The following KLHL13 variants were observed in gnomAD, a reference collection of about 807,000 sequenced individuals.
The protein encoded by KLHL13 is kelch like family member 13.
A neutral mutation model predicts 37.1 loss-of-function variants in KLHL13; 10 were observed. The ratio of observed to expected loss-of-function variants is 0.27; its 90% confidence interval spans 0.17 to 0.46. The LOEUF is 0.46. Ranked by LOEUF, KLHL13 falls within the 20% of genes least tolerant of loss-of-function variation. The probability of loss-of-function intolerance (pLI) is 1.00; values close to 1 mark genes in which losing one functional copy is unlikely to be tolerated. For synonymous variants in KLHL13, 163 were observed against 181.2 expected (o/e 0.90, Z 0.81); for missense variants, 360 against 509.3 (o/e 0.71, Z 2.82).
At chrX:117,945,604 G>T (rs1245404274) in intron 1 of KLHL13, 29 bp from the exon 3 acceptor site, 1 of 1,147,950 alleles carries the variant, frequency 8.7e-7, no homozygotes. Context: ...AAGAAAGAAG[G>T]GGAAATTAAA....
At chrX:118,091,044 C>T (rs1165888504) in intron 1 of KLHL13, among the ~76,000 whole-genome samples, 2 of 101,794 alleles carry the variant, frequency 2.0e-5, no homozygotes, top group Non-Finnish European at 2.0e-5. Context: ...AACCAAACAC[C>T]GCATGTTCTC....
upstream of KLHL13, among the ~76,000 whole-genome samples, chrX:117,976,647 A>G (rs1602618395): frequency 2.7e-5 from 3 of 112,494 alleles, 1 homozygote; most frequent in Admixed American, 2.8e-4. Context: ...ACCCTTGGTC[A>G]CATCGTAGGA....
intron 1 of KLHL13, among the ~76,000 whole-genome samples, chrX:117,993,148 T>C (rs2053813515): frequency 1.8e-5 from 2 of 112,194 alleles, no homozygotes; most frequent in African/African-American, 6.5e-5. Context: ...GAGCTGAGTA[T>C]TTCAGAATAA....
intron 6 of KLHL13, among the ~76,000 whole-genome samples, chrX:117,899,788 A>G (rs1929972636): frequency 8.9e-6 from 1 of 112,008 alleles, no homozygotes; most frequent in African/African-American, 3.2e-5. Context: ...CTGGGTACTG[A>G]GCACTGGGCT....
intron 1 of KLHL13, among the ~76,000 whole-genome samples, chrX:118,082,006 T>A (rs1421044476): frequency 5.5e-5 from 6 of 108,193 alleles, no homozygotes; most frequent in Admixed American, 3.0e-4. Flanking sequence ...CTTTATCCAG[T>A]CATCCTTTGA....
chrX:118,011,552 G>GATA, intron 1 of KLHL13, among the ~76,000 whole-genome samples: 1 of 110,822 alleles, frequency 9.0e-6, no homozygotes, highest in South Asian at 3.9e-4. Flanking sequence ...CTAAGGAAGT[G>GATA]ATAATAAGGA....
intron 2 of KLHL13, among the ~76,000 whole-genome samples, chrX:117,941,375 C>G (rs983304904): frequency 2.7e-5 from 3 of 111,777 alleles, no homozygotes; most frequent in African/African-American, 9.8e-5. Flanking sequence ...AATATTCCAT[C>G]TTTTTCTATT....
Position 117,955,592 on chromosome X carries a change from G to A in KLHL13, c.99-10017C>T, listed in dbSNP as rs182006378. Reference sequence around the variant, plus strand: ...GACAGCCAGTATTTTTAAGACAGGGGAGAATAATACAAAAAAAGAAGACAG... The same window carrying A: ...GACAGCCAGTATTTTTAAGACAGGGAAGAATAATACAAAAAAAGAAGACAG... On this transcript the variant is annotated intron_variant, in intron 1 of 6. Transcript: ENST00000262820. 1.5e-3 allele frequency among the ~76,000 whole-genome samples: 165 copies of A among 111,515 alleles called. 2 individuals carry two copies. Among genetic ancestry groups the A allele is most frequent in the African/African-American group, 5.2e-3 (159 of 30,745 alleles).
intron 1 of KLHL13, among the ~76,000 whole-genome samples, chrX:117,968,377 G>A (rs773286107): frequency 2.2e-4 from 24 of 111,200 alleles, no homozygotes; most frequent in Non-Finnish European, 4.2e-4. Context: ...GTGTTAAAAG[G>A]GGTTTGGACT....
chrX:118,114,172 A>C (rs761435902), intron 1 of KLHL13, among the ~76,000 whole-genome samples: 1 of 112,838 alleles, frequency 8.9e-6, no homozygotes, highest in Non-Finnish European at 1.9e-5. Flanking sequence ...AACATCAATA[A>C]AAATCAAACA....
At chrX:117,908,066 ATTATTTAT>A (rs78358758) in intron 5 of KLHL13, among the ~76,000 whole-genome samples, 2,191 of 99,178 alleles carry the variant, frequency 0.022, 66 homozygotes, top group African/African-American at 0.072. Context: ...CTACAAGGAC[ATTATTTAT>A]TTATTTATTT....
At chrX:118,003,908 G>A (rs2053952734) in intron 1 of KLHL13, among the ~76,000 whole-genome samples, 1 of 110,545 alleles carries the variant, frequency 9.0e-6, no homozygotes, top group Non-Finnish European at 1.9e-5. Flanking sequence ...TGTGGGGCTT[G>A]AGAAGATGAG....
At chrX:118,022,720 T>A (rs1158987087) in intron 1 of KLHL13, among the ~76,000 whole-genome samples, 8 of 112,474 alleles carry the variant, frequency 7.1e-5, no homozygotes, top group Non-Finnish European at 1.5e-4. Flanking sequence ...GTTATGTAAG[T>A]TATGTTAAGA....
rs186888184 is a variant in KLHL13 at position 118,089,816 on chromosome X, C to T, written c.-56+26692G>A. On this transcript the variant is annotated intron_variant, in intron 1 of 6. Transcript: ENST00000371882. ...CAATAGGGCTGGGTGTGGTGGCTCACACCTGTTATCCCAGCATTTTGGGAG... is the reference window on the plus strand; with the variant it reads ...CAATAGGGCTGGGTGTGGTGGCTCATACCTGTTATCCCAGCATTTTGGGAG... Among the ~76,000 whole-genome samples, 130 of 110,795 alleles carry T rather than the reference C, an allele frequency of 1.2e-3. 2 individuals are homozygous for T. The highest frequency in any genetic ancestry group is 4.0e-3 in the African/African-American group (122 of 30,502).
chrX:118,070,746 T>TTTTATTTATTTA (rs199522673), intron 1 of KLHL13, among the ~76,000 whole-genome samples: 13 of 107,257 alleles, frequency 1.2e-4, no homozygotes, highest in African/African-American at 4.2e-4. Flanking sequence ...TTTTAAATAT[T>TTTTATTTATTTA]TTTATTTATT....
chrX:118,022,737 C>A (rs983070843), intron 1 of KLHL13, among the ~76,000 whole-genome samples: 3 of 112,000 alleles, frequency 2.7e-5, no homozygotes, highest in Non-Finnish European at 3.8e-5. Context: ...AAGATATTAA[C>A]CCTCATCACA....
intron 1 of KLHL13, among the ~76,000 whole-genome samples, chrX:117,998,959 G>T (rs1310188412): frequency 3.6e-5 from 4 of 110,486 alleles, no homozygotes; most frequent in Admixed American, 9.7e-5. Context: ...ATACAAGTTT[G>T]TACCATATAA....
chrX:117,963,180 G>C (rs1399906754), intron 1 of KLHL13, among the ~76,000 whole-genome samples: 2 of 111,860 alleles, frequency 1.8e-5, no homozygotes, highest in East Asian at 5.6e-4. Context: ...AACTGGGCAT[G>C]TTCTTGCCTT....
intron 2 of KLHL13, among the ~76,000 whole-genome samples, chrX:117,944,338 G>C (rs1478692244): frequency 9.0e-6 from 1 of 111,400 alleles, no homozygotes; most frequent in African/African-American, 3.3e-5. Flanking sequence ...ATGAACCTTA[G>C]ATAGACCCCA....
Sources: gnomAD v4.1 joint callset for allele counts (sites outside exome capture counted in the v4.1 genomes callset) on GRCh38, gnomAD v4.1.1 for gene constraint, MANE v1.5 for transcripts, NCBI Gene and HGNC (gene_info 2026-07-23, HGNC 2026-07-21) for gene names.